The following RIPOR3 variants were observed in gnomAD, a reference collection of about 807,000 sequenced individuals.
RIPOR3 encodes the protein family with sequence similarity 65 member C.
RIPOR3 carries 95 observed loss-of-function variants against 114.3 expected under a neutral mutation model. The ratio of observed to expected loss-of-function variants is 0.83; its 90% CI spans 0.70 to 0.99. The LOEUF is 0.99. Among genes scored for constraint, RIPOR3 ranks in the 50% least tolerant of loss-of-function variants. RIPOR3 has a pLI of 0.00. For synonymous variants in RIPOR3, 575 were observed against 543.8 expected (o/e 1.06, Z -0.80); for missense variants, 1,252 against 1,266.9 (o/e 0.99, Z 0.18).
Position 50,594,645 on chromosome 20 carries a change from A to AC in RIPOR3, c.2119dup (p.Val707GlyfsTer74). On this transcript the variant is annotated frameshift_variant, in exon 17 of 22. Coordinates refer to ENST00000327979, the MANE Select transcript of RIPOR3 (RefSeq NM_001290268.2). LOFTEE classifies it high-confidence loss of function. Reference sequence around the variant, plus strand: ...CAGCGTCGTGGCAGGGCAGGACAGGACCCTGCCAGGCCCTGTGCACCCTCT... The same window carrying AC: ...CAGCGTCGTGGCAGGGCAGGACAGGACCCCTGCCAGGCCCTGTGCACCCTCT... 3 of 1,613,294 alleles carry AC rather than the reference A, an allele frequency of 1.9e-6. No homozygotes were observed. Among genetic ancestry groups the AC allele is most frequent in the South Asian group, 2.2e-5 (2 of 91,052 alleles).
intron 4 of RIPOR3, among the ~76,000 whole-genome samples, chr20:50,615,755 C>T (rs1026070003): frequency 1.1e-4 from 16 of 152,178 alleles, no homozygotes; most frequent in Admixed American, 4.6e-4. Context: ...AAGAAATGCA[C>T]CTCCATACAC....
chr20:50,612,809 T>A (rs1256312275), intron 4 of RIPOR3, among the ~76,000 whole-genome samples: 2 of 152,194 alleles, frequency 1.3e-5, no homozygotes, highest in Non-Finnish European at 2.9e-5. Flanking sequence ...AAATTCCATT[T>A]AAGCCAGGTG....
At chr20:50,640,168 C>T (rs544788491) in intron 1 of RIPOR3, among the ~76,000 whole-genome samples, 17 of 152,360 alleles carry the variant, frequency 1.1e-4, no homozygotes, top group Admixed American at 4.6e-4. Flanking sequence ...CTGACACCTA[C>T]GGAGCGGCCC....
intron 1 of RIPOR3, among the ~76,000 whole-genome samples, chr20:50,688,638 C>A (rs2087106635): frequency 6.6e-6 from 1 of 152,194 alleles, no homozygotes; most frequent in Non-Finnish European, 1.5e-5. Flanking sequence ...AAGAATATCA[C>A]CGAACTGAGG....
Position 50,608,426 on chromosome 20 carries a change from A to G in RIPOR3, c.919T>C (p.Leu307=), listed in dbSNP as rs766835963. The change falls in exon 11 of 22, where the codon TTG becomes CTG. Residue 307 remains leucine (L), a synonymous_variant. Transcript: ENST00000327979. ...PQVIVVDITE[L]GTIKLQLEVQ... is the part of the protein sequence containing the mutation. ...TCCAGCTGCAGCTTGATGGTACCCA[A>G]CTCCGTGATGTCCACCACGATGACC... is the stretch of plus-strand genomic sequence containing the variant. The G allele has an allele frequency of 1.2e-6, 2 of 1,613,588 alleles. No individual in the cohort carries two copies. The highest frequency in any genetic ancestry group is 1.7e-5 in the Admixed American group (1 of 59,966).
At position 50,658,438 on chromosome 20, in the gene RIPOR3, T is replaced by C. The variant is rs139714310; in HGVS notation, c.4-27582A>G. ...ATCAGAATGGTTGGACTGAGCGAGGTGGCTCACACCTGTAATCCCAGCACT... is the reference window on the plus strand; with the variant it reads ...ATCAGAATGGTTGGACTGAGCGAGGCGGCTCACACCTGTAATCCCAGCACT... On this transcript the variant is annotated intron_variant, in intron 1 of 21. Transcript: ENST00000327979. 1.5e-3 allele frequency among the ~76,000 whole-genome samples: 234 copies of C among 152,246 alleles called. 1 individual carries two copies. Among genetic ancestry groups the C allele is most frequent in the African/African-American group, 5.4e-3 (225 of 41,548 alleles).
intron 1 of RIPOR3, among the ~76,000 whole-genome samples, chr20:50,660,839 C>T (rs916360387): frequency 4.2e-4 from 62 of 146,104 alleles, no homozygotes; most frequent in African/African-American, 1.5e-3. Context: ...ACTGTAGGCT[C>T]GACCTCCTGG....
intron 13 of RIPOR3, among the ~76,000 whole-genome samples, chr20:50,601,470 C>T (rs77939685): frequency 3.9e-5 from 6 of 152,232 alleles, no homozygotes; most frequent in African/African-American, 7.2e-5. Flanking sequence ...AATAAAAGAG[C>T]GTGTTCAGGG....
rs763041379 is a variant in RIPOR3 at position 50,596,185 on chromosome 20, G to T, written c.1869C>A (p.Asp623Glu). The T allele has an allele frequency of 6.2e-7, 1 of 1,614,196 alleles. No homozygotes were observed. Among genetic ancestry groups the T allele is most frequent in the East Asian group, 2.2e-5 (1 of 44,884 alleles). ...RELTAGAPEL[D>E]VLLMVHLQVC... ...CTTGGAGGTGTACCATCAGCAGCAC[G>T]TCCAGCTCTGGGGCACCGGCTGTGA... Residue 623 changes from aspartate to glutamate, a missense_variant, in exon 15 of 22, where the codon GAC becomes GAA. By Grantham distance (45) the Asp-to-Glu change is conservative. Transcript: ENST00000327979.
chr20:50,664,749 T>C (rs2086122820), intron 1 of RIPOR3, among the ~76,000 whole-genome samples: 1 of 152,062 alleles, frequency 6.6e-6, no homozygotes, highest in Admixed American at 6.6e-5. Context: ...AGGCTGTGTA[T>C]GGGCTCACTA....
intron 1 of RIPOR3, among the ~76,000 whole-genome samples, chr20:50,689,172 CTTTTTT>C (rs71964773): frequency 8.7e-4 from 77 of 88,812 alleles, no homozygotes; most frequent in East Asian, 3.2e-3. Flanking sequence ...CTCCAAACTT[CTTTTTT>C]TTTTTTTTTT....
At chr20:50,627,526 T>A (rs79909754) in intron 2 of RIPOR3, among the ~76,000 whole-genome samples, 3 of 117,708 alleles carry the variant, frequency 2.5e-5, no homozygotes, top group African/African-American at 4.0e-5. Flanking sequence ...AAAAAAAAAA[T>A]ACAAAAATTA....
chr20:50,676,574 C>T (rs1299834357), intron 1 of RIPOR3, among the ~76,000 whole-genome samples: 4 of 151,956 alleles, frequency 2.6e-5, no homozygotes, highest in Non-Finnish European at 5.9e-5. Flanking sequence ...ATCACTTGAG[C>T]CCAGGAGGTC....
intron 1 of RIPOR3, among the ~76,000 whole-genome samples, chr20:50,665,062 A>T (rs1345768586): frequency 6.6e-6 from 1 of 152,126 alleles, no homozygotes; most frequent in African/African-American, 2.4e-5. Context: ...AGATCATGCC[A>T]CTGCATTCCA....
intron 1 of RIPOR3, among the ~76,000 whole-genome samples, chr20:50,667,582 G>A (rs1002139794): frequency 1.3e-5 from 2 of 152,290 alleles, no homozygotes; most frequent in East Asian, 1.9e-4. Context: ...GTGAGCCACC[G>A]CGCCCGGCCG....
chr20:50,660,681 G>T (rs905955578), intron 1 of RIPOR3, among the ~76,000 whole-genome samples: 1 of 150,186 alleles, frequency 6.7e-6, no homozygotes, highest in Non-Finnish European at 1.5e-5. Context: ...CACTACCCCC[G>T]AACTTTCCAT....
chr20:50,642,364 G>A (rs1443023836), intron 1 of RIPOR3, among the ~76,000 whole-genome samples: 2 of 150,952 alleles, frequency 1.3e-5, no homozygotes, highest in African/African-American at 4.9e-5. Flanking sequence ...GTGTGTGTGT[G>A]TGTGTGTGTG....
chr20:50,600,777 T>C (rs1303544084), intron 13 of RIPOR3, among the ~76,000 whole-genome samples: 1 of 152,090 alleles, frequency 6.6e-6, no homozygotes, highest in Non-Finnish European at 1.5e-5. Context: ...ATGAAAAACA[T>C]GAAGTACCAA....
intron 2 of RIPOR3, among the ~76,000 whole-genome samples, chr20:50,626,995 CA>C (rs1472038713): frequency 2.3e-5 from 3 of 129,682 alleles, no homozygotes; most frequent in Non-Finnish European, 3.2e-5. Context: ...GCCTGGGCAA[CA>C]AGAGCAAAAG....
Sources: gnomAD v4.1 joint callset for allele counts (sites outside exome capture counted in the v4.1 genomes callset) on GRCh38, gnomAD v4.1.1 for gene constraint, MANE v1.5 for transcripts, NCBI Gene and HGNC (gene_info 2026-07-23, HGNC 2026-07-21) for gene names.